USH2A: variants seen among roughly 807,000 people sequenced by gnomAD.
USH2A encodes Usher syndrome 2A (autosomal recessive, mild).
In USH2A, 443 loss-of-function variants were observed where a neutral mutation model predicts 538.9. The observed-to-expected ratio is 0.82, with a 90% confidence interval of 0.76 to 0.89. USH2A has a LOEUF of 0.89. Ranked by LOEUF, USH2A falls within the 40% of genes least tolerant of loss-of-function variation. The pLI is 0.00. For synonymous variants in USH2A, 2,413 were observed against 2,273.5 expected (o/e 1.06, Z -1.75); for missense variants, 6,633 against 6,324.8 (o/e 1.05, Z -1.65).
chr1:216,153,396 A>G (rs1343688259), intron 21 of USH2A, among the ~76,000 whole-genome samples: 3 of 152,098 alleles, frequency 2.0e-5, no homozygotes, highest in Non-Finnish European at 2.9e-5. Context: ...CTCTCCTGCA[A>G]GGAGTTTGAG....
intron 44 of USH2A, among the ~76,000 whole-genome samples, chr1:215,861,838 C>CTTTTT (rs11461966): frequency 7.3e-5 from 8 of 110,332 alleles, no homozygotes; most frequent in East Asian, 2.6e-4. Context: ...GTAGTTTTCG[C>CTTTTT]TTTTTTTTTT....
intron 22 of USH2A, among the ~76,000 whole-genome samples, chr1:216,095,759 G>A (rs553898105): frequency 6.6e-6 from 1 of 151,998 alleles, no homozygotes; most frequent in Admixed American, 6.6e-5. Flanking sequence ...AGTCTGGCAG[G>A]GTCCTCAGAT....
intron 26 of USH2A, among the ~76,000 whole-genome samples, chr1:216,080,266 G>A (rs1019788458): frequency 6.6e-6 from 1 of 152,114 alleles, no homozygotes; most frequent in Admixed American, 6.6e-5. Context: ...GGGTCTTGTA[G>A]TAGAAAATAG....
intron 59 of USH2A, 84 bp downstream of exon 59, chr1:215,743,093 T>G: frequency 5.3e-6 from 8 of 1,510,034 alleles, no homozygotes; most frequent in Non-Finnish European, 7.3e-6. Flanking sequence ...ATATTTGGAC[T>G]GAGAATGTAT....
At chr1:216,389,905 AG>A (rs1181334360) in intron 3 of USH2A, among the ~76,000 whole-genome samples, 1 of 152,156 alleles carries the variant, frequency 6.6e-6, no homozygotes, top group African/African-American at 2.4e-5. Flanking sequence ...CTCAGGTATC[AG>A]GTGAACAAAA....
intron 14 of USH2A, among the ~76,000 whole-genome samples, chr1:216,224,178 T>C (rs962054654): frequency 3.3e-5 from 5 of 152,156 alleles, no homozygotes; most frequent in Non-Finnish European, 5.9e-5. Flanking sequence ...GTGGTTGTTA[T>C]GTAAGAAAAC....
At chr1:216,150,397 C>T (rs1345281160) in intron 21 of USH2A, among the ~76,000 whole-genome samples, 1 of 143,634 alleles carries the variant, frequency 7.0e-6, no homozygotes, top group Admixed American at 7.1e-5. Flanking sequence ...TTATGTCACC[C>T]TCTACCTCTC....
intron 21 of USH2A, among the ~76,000 whole-genome samples, chr1:216,148,121 A>T (rs1442521805): frequency 6.6e-6 from 1 of 151,812 alleles, no homozygotes; most frequent in Non-Finnish European, 1.5e-5. Context: ...CTTAATCAAT[A>T]CGGAGGCTAC....
At position 215,844,463 on chromosome 1, in the gene USH2A, A is replaced by G. The variant is rs876658116; in HGVS notation, c.9089T>C (p.Ile3030Thr). ...GACACGTACAGCTGTACTGTTGATGATGACAACCTCTGGAGGAAGCATGCC... is the reference window on the plus strand; with the variant it reads ...GACACGTACAGCTGTACTGTTGATGGTGACAACCTCTGGAGGAAGCATGCC... ...PQGMLPPEVV[I>T]INSTAVRVIW... Residue 3030 changes from isoleucine to threonine, a missense_variant, in exon 46 of 72, where the codon ATC becomes ACC. Transcript: ENST00000307340. 7 of 1,611,774 alleles carry G rather than the reference A, an allele frequency of 4.3e-6. No homozygotes were observed. In the African/African-American group the frequency reaches 6.7e-5, roughly 15 times the overall value.
At position 215,844,452 on chromosome 1, in the gene USH2A, T is replaced by C. The variant is rs1663783070; in HGVS notation, c.9100A>G (p.Thr3034Ala). Residue 3034 changes from threonine (T) to alanine (A), a missense_variant, in exon 46 of 72, where the codon ACA (threonine) becomes GCA (alanine). Physicochemically the swap from Thr to Ala is moderately conservative, Grantham distance 58. Transcript: ENST00000307340. Reference protein sequence around the residue: ...LPPEVVIINSTAVRVIWTSPS... With the variant: ...LPPEVVIINSAAVRVIWTSPS... ...GATGTCCAGATGACACGTACAGCTG[T>C]ACTGTTGATGATGACAACCTCTGGA... 1.2e-6 allele frequency: 2 copies of C among 1,612,368 alleles called. No individual in the cohort carries two copies. Among genetic ancestry groups the C allele is most frequent in the Non-Finnish European group, 1.7e-6 (2 of 1,179,842 alleles).
intron 55 of USH2A, among the ~76,000 whole-genome samples, chr1:215,768,212 G>T (rs187674118): frequency 6.6e-6 from 1 of 152,004 alleles, no homozygotes. Flanking sequence ...GCCTTCAACC[G>T]TCTCTGATGT....
At chr1:216,421,318 T>C (rs894525994) in intron 2 of USH2A, among the ~76,000 whole-genome samples, 2 of 152,092 alleles carry the variant, frequency 1.3e-5, no homozygotes, top group African/African-American at 4.8e-5. Context: ...TTTTTAGAGA[T>C]GGAGGGTTAT....
intron 21 of USH2A, among the ~76,000 whole-genome samples, chr1:216,124,052 C>G (rs1332276585): frequency 6.6e-6 from 1 of 152,136 alleles, no homozygotes; most frequent in African/African-American, 2.4e-5. Context: ...AGACATCAAT[C>G]AGAGGAGTTC....
chr1:216,120,385 A>G (rs2033107369), intron 21 of USH2A, among the ~76,000 whole-genome samples: 1 of 150,822 alleles, frequency 6.6e-6, no homozygotes, highest in Admixed American at 6.6e-5. Context: ...TTATGTATTT[A>G]TTTATTTATT....
chr1:216,115,609 T>G (rs1203956145), intron 21 of USH2A, among the ~76,000 whole-genome samples: 1 of 152,188 alleles, frequency 6.6e-6, no homozygotes, highest in Non-Finnish European at 1.5e-5. Flanking sequence ...AGAATGCTTC[T>G]ATCAACATCC....
intron 20 of USH2A, among the ~76,000 whole-genome samples, chr1:216,186,762 T>C (rs577931622): frequency 6.6e-6 from 1 of 151,940 alleles, no homozygotes; most frequent in Non-Finnish European, 1.5e-5. Context: ...TCCCATCTGT[T>C]CTTTGTTCAT....
intron 61 of USH2A, among the ~76,000 whole-genome samples, chr1:215,716,147 C>T (rs527365769): frequency 1.4e-5 from 2 of 140,662 alleles, no homozygotes; most frequent in South Asian, 4.4e-4. Context: ...ATACGTCTCC[C>T]TTTGCTGTTT....
Position 216,202,376 on chromosome 1 carries a change from C to T in USH2A, c.3317-2255G>A, listed in dbSNP as rs2035019133. 3.9e-5 allele frequency among the ~76,000 whole-genome samples: 6 copies of T among 152,124 alleles called. No individual in the cohort carries two copies. In the South Asian group the frequency reaches 1.2e-3, roughly 31 times the overall value. On this transcript the variant is annotated intron_variant, in intron 16 of 71. Coordinates refer to ENST00000307340, the MANE Select transcript of USH2A (RefSeq NM_206933.4). The stretch of plus-strand genomic sequence containing the variant: ...CAGATAGAATTGGGATGGAAATATG[C>T]ATTTGTGTAGGAATATCATATAAGG...
chr1:215,848,187 C>A (rs1202461449), intron 44 of USH2A, among the ~76,000 whole-genome samples: 1 of 152,148 alleles, frequency 6.6e-6, no homozygotes, highest in African/African-American at 2.4e-5. Flanking sequence ...TTACTAGCAT[C>A]ATTTTCTACT....
Sources: gnomAD v4.1 joint callset for allele counts (sites outside exome capture counted in the v4.1 genomes callset) on GRCh38, gnomAD v4.1.1 for gene constraint, MANE v1.5 for transcripts, NCBI Gene and HGNC (gene_info 2026-07-23, HGNC 2026-07-21) for gene names.